The following SORBS2 variants were observed in gnomAD, a reference collection of about 807,000 sequenced individuals.
SORBS2 encodes sorbin and SH3 domain containing 2.
In SORBS2, 46 loss-of-function variants were observed where a neutral mutation model predicts 97.7. That is an observed-to-expected ratio of 0.47 (90% CI 0.37 to 0.60). The LOEUF is 0.60. Ranked by LOEUF, SORBS2 falls within the 20% of genes least tolerant of loss-of-function variation. The pLI, the probability that SORBS2 is intolerant of heterozygous loss-of-function variation, is 0.00. For synonymous variants in SORBS2, 476 were observed against 473.4 expected (o/e 1.01, Z -0.07); for missense variants, 1,316 against 1,282.3 (o/e 1.03, Z -0.40).
intron 2 of SORBS2, among the ~76,000 whole-genome samples, chr4:185,708,660 C>T (rs557090169): frequency 3.9e-5 from 6 of 152,270 alleles, no homozygotes; most frequent in African/African-American, 9.6e-5. Context: ...TTCCGCCCTC[C>T]GTGATGCCTG....
intron 1 of SORBS2, among the ~76,000 whole-genome samples, chr4:185,897,646 G>T (rs1051080785): frequency 2.6e-5 from 4 of 152,206 alleles, no homozygotes; most frequent in African/African-American, 9.7e-5. Context: ...AACTACTGCA[G>T]TCTGAAACAG....
chr4:185,887,958 A>ATGTGTGTGTG (rs745472775), intron 1 of SORBS2, among the ~76,000 whole-genome samples: 1 of 149,146 alleles, frequency 6.7e-6, no homozygotes, highest in African/African-American at 2.5e-5. Context: ...TAGTATATAT[A>ATGTGTGTGTG]TATGTGTGTG....
At chr4:185,868,148 T>TTTTTTC (rs2099228134) in intron 1 of SORBS2, among the ~76,000 whole-genome samples, 1 of 67,500 alleles carries the variant, frequency 1.5e-5, no homozygotes, top group Non-Finnish European at 3.0e-5. Flanking sequence ...TTTTCTTTTC[T>TTTTTTC]TTTTTTCTTT....
At chr4:185,741,819 T>C (rs922563476) in intron 2 of SORBS2, among the ~76,000 whole-genome samples, 18 of 152,238 alleles carry the variant, frequency 1.2e-4, no homozygotes, top group African/African-American at 4.3e-4. Context: ...AATCATACAC[T>C]GGGCTGGTTT....
At chr4:185,848,010 A>T (rs1401324429) in intron 1 of SORBS2, among the ~76,000 whole-genome samples, 3 of 152,234 alleles carry the variant, frequency 2.0e-5, no homozygotes, top group African/African-American at 7.2e-5. Context: ...CCAGAAATTT[A>T]AGAACCCCCA....
At chr4:185,794,306 C>T (rs973101597) in intron 1 of SORBS2, among the ~76,000 whole-genome samples, 6 of 152,100 alleles carry the variant, frequency 3.9e-5, no homozygotes, top group Admixed American at 1.3e-4. Context: ...GGGTGGGGCA[C>T]GGCCCCACTG....
At chr4:185,681,701 C>G (rs1461167558) in intron 2 of SORBS2, among the ~76,000 whole-genome samples, 1 of 152,138 alleles carries the variant, frequency 6.6e-6, no homozygotes, top group African/African-American at 2.4e-5. Context: ...AGCCCTTTTC[C>G]TTGTGTCGAG....
chr4:185,838,971 C>A (rs1561223254), intron 1 of SORBS2, among the ~76,000 whole-genome samples: 1 of 152,170 alleles, frequency 6.6e-6, no homozygotes, highest in Non-Finnish European at 1.5e-5. Flanking sequence ...TTCCAGCAGG[C>A]ACCGCTGCTT....
At chr4:185,882,602 A>G (rs190078397) in intron 1 of SORBS2, among the ~76,000 whole-genome samples, 5 of 152,292 alleles carry the variant, frequency 3.3e-5, no homozygotes, top group Admixed American at 2.0e-4. Context: ...TAAAATTTAT[A>G]TGAAAAAGTA....
At chr4:185,605,716 C>G (rs1003556390) in intron 12 of SORBS2, among the ~76,000 whole-genome samples, 4 of 152,176 alleles carry the variant, frequency 2.6e-5, no homozygotes, top group African/African-American at 9.7e-5. Context: ...TCCCGAGTAG[C>G]TGGGATTGTA....
chr4:185,594,842 G>A (rs948646502), intron 12 of SORBS2, among the ~76,000 whole-genome samples: 1 of 152,140 alleles, frequency 6.6e-6, no homozygotes, highest in Non-Finnish European at 1.5e-5. Context: ...CATTTCAAAA[G>A]CATTTGCTTC....
Position 185,623,407 on chromosome 4 carries a change from T to C in SORBS2, c.1722A>G (p.Thr574=), listed in dbSNP as rs148119787. Residue 574 remains threonine (T), a synonymous_variant, in exon 7 of 15, where the codon ACA becomes ACG. Coordinates refer to ENST00000418609, the Ensembl canonical transcript of SORBS2. The surrounding 1 kb of genome is among the most constrained non-coding windows in gnomAD (Gnocchi z 6.4). ...GTCTGGCTCTTTCGTGTTTTAACAT[T>C]GTGGTAAATCGAGTGTAGGAGGCCG... 3.1e-6 allele frequency: 5 copies of C among 1,611,836 alleles called. No individual in the cohort carries two copies. The highest frequency in any genetic ancestry group is 4.2e-6 in the Non-Finnish European group (5 of 1,179,992).
chr4:185,926,383 G>C lies in SORBS2; in HGVS notation c.-338+29813C>G, dbSNP rs907740088. 4.9e-4 allele frequency among the ~76,000 whole-genome samples: 75 copies of C among 151,972 alleles called. 1 individual carries two copies. Among genetic ancestry groups the C allele is most frequent in the Non-Finnish European group, 1.9e-4 (13 of 67,992 alleles). ...GGTGCCTTGTCGCCTACAGACTATG[G>C]GGCTGTATTAGGGAGACAAAAAAGG... On this transcript the variant is annotated intron_variant, in intron 1 of 20. Transcript: ENST00000284776.
intron 1 of SORBS2, among the ~76,000 whole-genome samples, chr4:185,777,053 GA>G (rs1229884707): frequency 6.6e-6 from 1 of 151,498 alleles, no homozygotes; most frequent in Non-Finnish European, 1.5e-5. Context: ...TATGCCATGT[GA>G]AAAAAAAGGG....
chr4:185,594,624 T>C (rs146750401), intron 12 of SORBS2, among the ~76,000 whole-genome samples: 1 of 152,236 alleles, frequency 6.6e-6, no homozygotes, highest in Admixed American at 6.5e-5. Flanking sequence ...GAGTTTCTTT[T>C]CTTTTTAAAC....
chr4:185,868,219 C>A (rs181013619), intron 1 of SORBS2, among the ~76,000 whole-genome samples: 3 of 130,570 alleles, frequency 2.3e-5, no homozygotes, highest in Admixed American at 8.8e-5. Flanking sequence ...TGCAGTGGCA[C>A]GATCTTGGCT....
At chr4:185,626,924 G>C in exon 6 of SORBS2, 1 of 1,614,194 alleles carries the variant, frequency 6.2e-7, no homozygotes, top group Non-Finnish European at 8.5e-7. Flanking sequence ...GCCTGGGCTA[G>C]TCCTGCTCGC....
intron 4 of SORBS2, among the ~76,000 whole-genome samples, chr4:185,676,388 CAGA>C (rs896841311): frequency 3.9e-5 from 6 of 152,246 alleles, no homozygotes; most frequent in African/African-American, 1.4e-4. Context: ...TACATGTAAA[CAGA>C]AGGATGCTAT....
At chr4:185,841,240 T>C (rs1264845455) in intron 1 of SORBS2, among the ~76,000 whole-genome samples, 2 of 152,204 alleles carry the variant, frequency 1.3e-5, no homozygotes, top group South Asian at 4.1e-4. Flanking sequence ...TGGTAGATTA[T>C]TTTAAGAAAA....
Sources: gnomAD v4.1 joint callset for allele counts (sites outside exome capture counted in the v4.1 genomes callset) on GRCh38, gnomAD v4.1.1 for gene constraint, Gnocchi (gnomAD v3.1) non-coding constraint, MANE v1.5 for transcripts, NCBI Gene and HGNC (gene_info 2026-07-23, HGNC 2026-07-21) for gene names.